RNF150: variants seen among roughly 807,000 people sequenced by gnomAD.
RNF150 encodes ring finger protein 150.
In RNF150, 24 loss-of-function variants were observed where a neutral mutation model predicts 39.3. The observed-to-expected ratio is 0.61, with a 90% CI of 0.44 to 0.86. The LOEUF (loss-of-function observed/expected upper bound fraction) is 0.86, where lower values mean the gene tolerates loss of function less well. RNF150 is among the 40% of genes least tolerant of loss of function. The probability of loss-of-function intolerance (pLI) is 0.00; values close to 1 mark genes in which losing one functional copy is unlikely to be tolerated. For missense variants in RNF150, 502 were observed against 587.8 expected (o/e 0.85, Z 1.51); for synonymous variants, 255 against 227.3 (o/e 1.12, Z -1.10).
At position 141,078,282 on chromosome 4, in the gene RNF150, G is replaced by C. The variant is rs1014929194; in HGVS notation, c.484+54043C>G. Among the ~76,000 whole-genome samples the C allele has an allele frequency of 5.9e-5, 9 of 152,212 alleles. 1 individual carries two copies. Among genetic ancestry groups the C allele is most frequent in the African/African-American group, 2.2e-4 (9 of 41,526 alleles). Reference sequence around the variant, plus strand: ...CCAACAGGGACTTCAATGAATAAAAGCAACTGCAATCCTTTTTCTCTCTTC... The same window carrying C: ...CCAACAGGGACTTCAATGAATAAAACCAACTGCAATCCTTTTTCTCTCTTC... On this transcript the variant is annotated intron_variant, in intron 1 of 6. Coordinates refer to ENST00000515673, the MANE Select transcript of RNF150 (RefSeq NM_020724.2).
At chr4:141,096,972 A>G (rs976968428) in intron 1 of RNF150, among the ~76,000 whole-genome samples, 1 of 152,218 alleles carries the variant, frequency 6.6e-6, no homozygotes, top group Non-Finnish European at 1.5e-5. Context: ...GGGACTTGAT[A>G]TTCTCTAATG....
At chr4:141,146,105 A>G (rs1727196780) in intron 1 of RNF150, among the ~76,000 whole-genome samples, 1 of 152,222 alleles carries the variant, frequency 6.6e-6, no homozygotes, top group African/African-American at 2.4e-5. Context: ...AGAAAATGTG[A>G]TCTAACCAAC....
intron 1 of RNF150, among the ~76,000 whole-genome samples, chr4:140,976,689 C>T (rs1733676503): frequency 6.6e-6 from 1 of 151,908 alleles, no homozygotes; most frequent in African/African-American, 2.4e-5. Flanking sequence ...GGCCTCCCTT[C>T]TCTCCCTACC....
chr4:140,877,876 G>A (rs1729218417), intron 6 of RNF150, among the ~76,000 whole-genome samples: 1 of 152,168 alleles, frequency 6.6e-6, no homozygotes, highest in South Asian at 2.1e-4. Context: ...GAGGTAAGGG[G>A]AAATGGAATT....
At chr4:141,162,224 G>T (rs1012048754) in intron 1 of RNF150, among the ~76,000 whole-genome samples, 5 of 152,236 alleles carry the variant, frequency 3.3e-5, no homozygotes, top group Non-Finnish European at 7.3e-5. Context: ...GTGTGGCCTA[G>T]ATGTGAGATA....
intron 6 of RNF150, among the ~76,000 whole-genome samples, chr4:140,869,501 G>A (rs574032032): frequency 6.6e-6 from 1 of 152,186 alleles, no homozygotes; most frequent in Admixed American, 6.5e-5. Context: ...TAAGGATTAT[G>A]CTAGAGGCTA....
chr4:141,099,087 G>GA (rs1205923399), intron 1 of RNF150, among the ~76,000 whole-genome samples: 2 of 152,132 alleles, frequency 1.3e-5, no homozygotes, highest in African/African-American at 4.8e-5. Flanking sequence ...TAGTTATACT[G>GA]AAAATTAATC....
intron 1 of RNF150, among the ~76,000 whole-genome samples, chr4:141,188,541 C>T (rs980251075): frequency 2.6e-5 from 4 of 152,232 alleles, no homozygotes; most frequent in African/African-American, 4.8e-5. Context: ...AGGCTTGTTT[C>T]GTTCCTTTTC....
rs556095933 is a variant in RNF150 at position 141,155,088 on chromosome 4, T to C, written c.-6+57706A>G. On this transcript the variant is annotated intron_variant, in intron 1 of 7. Transcript: ENST00000420921. ...ATTTGGAGAGGAGAGCTTTATGTTTTATTTTATTTTATTTTGAGACAGAGT... is the reference window on the plus strand; with the variant it reads ...ATTTGGAGAGGAGAGCTTTATGTTTCATTTTATTTTATTTTGAGACAGAGT... Among the ~76,000 whole-genome samples the C allele has an allele frequency of 4.0e-5, 6 of 150,486 alleles. No homozygotes were observed. The Admixed American group carries it at 4.0e-4, about 10-fold the overall frequency.
At chr4:140,963,030 T>A (rs1346091524) in intron 2 of RNF150, among the ~76,000 whole-genome samples, 1 of 152,036 alleles carries the variant, frequency 6.6e-6, no homozygotes, top group Non-Finnish European at 1.5e-5. Context: ...ATAGATAGAA[T>A]TAAAAATACC....
chr4:141,200,588 T>G (rs950744219), intron 1 of RNF150, among the ~76,000 whole-genome samples: 2 of 152,200 alleles, frequency 1.3e-5, no homozygotes, highest in Non-Finnish European at 2.9e-5. Flanking sequence ...CATGACCTAA[T>G]TGCCTCCCAA....
chr4:140,966,690 G>C (rs959029010), intron 2 of RNF150, among the ~76,000 whole-genome samples: 8 of 150,764 alleles, frequency 5.3e-5, no homozygotes, highest in Non-Finnish European at 5.9e-5. Context: ...ATATTCTTTT[G>C]GTAAGGATAT....
At chr4:140,890,040 T>A (rs1354447483) in intron 6 of RNF150, among the ~76,000 whole-genome samples, 3 of 152,136 alleles carry the variant, frequency 2.0e-5, no homozygotes, top group South Asian at 4.1e-4. Flanking sequence ...TCCTTTTGTG[T>A]CTCACCACTA....
At position 141,132,191 on chromosome 4, in the gene RNF150, T is replaced by C; in HGVS notation, c.484+134A>G. The C allele has an allele frequency of 6.7e-6, 6 of 893,534 alleles. No homozygotes were observed. The highest frequency in any genetic ancestry group is 1.0e-5 in the Non-Finnish European group (6 of 590,512). The allele number at this position is 893,534 out of a possible 1,614,324, so 55.4% of individuals were successfully genotyped here. A position where few individuals can be genotyped will look rare whatever the true frequency, so the allele number is the denominator to read the frequency against. ...CCAAGTGACGCGGAGCAAAACTTAATCGGTCCAGGGAACCCAGACACGTCT... is the reference window on the plus strand; with the variant it reads ...CCAAGTGACGCGGAGCAAAACTTAACCGGTCCAGGGAACCCAGACACGTCT... On this transcript the variant is annotated intron_variant, in intron 1 of 6. Coordinates refer to ENST00000515673, the MANE Select transcript of RNF150 (RefSeq NM_020724.2). The surrounding 1 kb of genome is among the most constrained non-coding windows in gnomAD (Gnocchi z 4.9).
intron 6 of RNF150, among the ~76,000 whole-genome samples, chr4:140,876,560 T>C (rs1729162450): frequency 6.6e-6 from 1 of 152,208 alleles, no homozygotes; most frequent in African/African-American, 2.4e-5. Flanking sequence ...TGGATACTAA[T>C]AGCTAGGATA....
intron 1 of RNF150, among the ~76,000 whole-genome samples, chr4:141,000,972 T>C (rs544315387): frequency 1.3e-5 from 2 of 152,318 alleles, no homozygotes; most frequent in African/African-American, 4.8e-5. Flanking sequence ...GCTAATTTAT[T>C]TGTGGTCTTT....
chr4:141,019,584 T>A (rs568671592), intron 1 of RNF150, among the ~76,000 whole-genome samples: 1 of 152,114 alleles, frequency 6.6e-6, no homozygotes, highest in East Asian at 1.9e-4. Flanking sequence ...TCTCCCACCC[T>A]CCACCACCAA....
intron 1 of RNF150, among the ~76,000 whole-genome samples, chr4:141,165,252 C>T (rs925202583): frequency 5.3e-5 from 8 of 152,086 alleles, no homozygotes; most frequent in Non-Finnish European, 1.2e-4. Context: ...AGCTAACTAC[C>T]CTAAATATAT....
chr4:141,193,174 G>A (rs545752224), intron 1 of RNF150, among the ~76,000 whole-genome samples: 1 of 152,348 alleles, frequency 6.6e-6, no homozygotes, highest in Non-Finnish European at 1.5e-5. Context: ...GTAAGGACAA[G>A]GGATTTTGTC....
Sources: gnomAD v4.1 joint callset for allele counts (sites outside exome capture counted in the v4.1 genomes callset) on GRCh38, gnomAD v4.1.1 for gene constraint, Gnocchi (gnomAD v3.1) non-coding constraint, MANE v1.5 for transcripts, NCBI Gene and HGNC (gene_info 2026-07-23, HGNC 2026-07-21) for gene names.